ZNF143: variants seen among roughly 807,000 people sequenced by gnomAD.
ZNF143 encodes the protein SPH-binding factor.
Under a neutral mutation model 74.1 loss-of-function variants are expected in ZNF143, and 49 were observed. The observed-to-expected ratio is 0.66, with a 90% CI of 0.53 to 0.84. The LOEUF is 0.84. ZNF143 is among the 40% of genes least tolerant of loss of function. The pLI is 0.00. For missense variants in ZNF143, 637 were observed against 793.4 expected (o/e 0.80, Z 2.37); for synonymous variants, 304 against 282.8 (o/e 1.07, Z -0.75).
Position 9,525,348 on chromosome 11 carries a change from T to G in ZNF143, c.1795T>G (p.Leu599Val). The change falls in exon 15 of 16, where the codon TTA (leucine) becomes GTA (valine). Residue 599 changes from leucine (L) to valine (V), a missense_variant. This residue lies in a region of ZNF143 where 344 missense variants were observed against 485.6 expected (regional missense o/e 0.71). Coordinates refer to ENST00000396602, the MANE Select transcript of ZNF143 (RefSeq NM_003442.6). Reference sequence around the variant, plus strand: ...AACCACAGAAACCAGACCTCTGACCTTAGTAGCAACATCCAATGGCACCCA... The same window carrying G: ...AACCACAGAAACCAGACCTCTGACCGTAGTAGCAACATCCAATGGCACCCA... ...LVTTETRPLT[L>V]VATSNGTQIA... The G allele has an allele frequency of 1.2e-6, 2 of 1,614,164 alleles. No homozygotes were observed. Among genetic ancestry groups the G allele is most frequent in the South Asian group, 2.2e-5 (2 of 91,080 alleles).
chr11:9,479,322 A>G (rs1463206451), intron 6 of ZNF143, 150 bp from the exon 7 acceptor site: 5 of 494,604 alleles, frequency 1.0e-5, no homozygotes, highest in South Asian at 5.5e-5. Context: ...GAAATTTTCA[A>G]ATATACACAA....
At chr11:9,469,521 C>T (rs188855136) in intron 1 of ZNF143, among the ~76,000 whole-genome samples, 12 of 150,680 alleles carry the variant, frequency 8.0e-5, no homozygotes, top group East Asian at 7.9e-4. Flanking sequence ...CATGAGCCAC[C>T]GCGTGCAGCC....
intron 5 of ZNF143, among the ~76,000 whole-genome samples, chr11:9,477,038 CTT>C (rs1485099812): frequency 6.6e-6 from 1 of 151,368 alleles, no homozygotes; most frequent in African/African-American, 2.4e-5. Context: ...AGGGAGGAAT[CTT>C]TAAAAAATTT....
intron 3 of ZNF143, 91 bp downstream of exon 3, chr11:9,472,860 T>A: frequency 1.2e-6 from 1 of 820,024 alleles, no homozygotes; most frequent in Middle Eastern, 2.4e-4. Flanking sequence ...CTTTCCTATG[T>A]CTCCTAAAGA....
chr11:9,479,525 T>C lies in ZNF143; in HGVS notation c.624T>C (p.Asn208=). Residue 208 remains asparagine, a synonymous_variant, in exon 7 of 16, where the codon AAT becomes AAC. Coordinates refer to ENST00000396602, the MANE Select transcript of ZNF143 (RefSeq NM_003442.6). ...SVAGTGMIGE[N]EQEKKMQIVL... ...CAGGTACTGGAATGATTGGAGAAAA[T>C]GAGCAAGAGAAAAAAATGCAGGTAT... The C allele has an allele frequency of 6.2e-7, 1 of 1,613,074 alleles. No individual in the cohort carries two copies. The highest frequency in any genetic ancestry group is 8.5e-7 in the Non-Finnish European group (1 of 1,179,718).
chr11:9,506,477 G>C (rs754218499), intron 11 of ZNF143, among the ~76,000 whole-genome samples: 4 of 152,240 alleles, frequency 2.6e-5, no homozygotes, highest in Non-Finnish European at 5.9e-5. Flanking sequence ...CATTTAGGTA[G>C]AGCAGTGCTC....
chr11:9,474,402 T>A (rs1434402091), intron 4 of ZNF143, 148 bp from the exon 5 acceptor site: 1 of 760,750 alleles, frequency 1.3e-6, no homozygotes, highest in African/African-American at 1.8e-5. Context: ...GCAGGGAAGC[T>A]TTACTGAACT....
rs1459345861 is a variant in ZNF143, at chr11:9,511,006, C to G, written c.1376-1442C>G. Among the ~76,000 whole-genome samples, 3 of 151,626 alleles carry G rather than the reference C, an allele frequency of 2.0e-5. No homozygotes were observed. In the South Asian group the frequency reaches 6.2e-4, roughly 31 times the overall value. ...TGCAATCAATCAGTTGTGCTAAAGA[C>G]CAAGTTTAGTATCAGTGGGTGTGTT... On this transcript the variant is annotated intron_variant, in intron 12 of 15. Transcript: ENST00000396602.
At chr11:9,465,037 TAAA>T (rs964680107) in intron 1 of ZNF143, among the ~76,000 whole-genome samples, 5 of 152,150 alleles carry the variant, frequency 3.3e-5, no homozygotes, top group Admixed American at 1.3e-4. Flanking sequence ...TTTATAGGAA[TAAA>T]AAAAGCTGAA....
chr11:9,508,585 A>G (rs1168208866), intron 11 of ZNF143, 34 bp from the exon 12 acceptor site: 6 of 1,594,812 alleles, frequency 3.8e-6, no homozygotes, highest in Non-Finnish European at 4.3e-6. Context: ...CTACATATGT[A>G]AAAGTTGAAC....
chr11:9,464,803 A>T (rs965093887), intron 1 of ZNF143, among the ~76,000 whole-genome samples: 8 of 151,730 alleles, frequency 5.3e-5, no homozygotes, highest in Admixed American at 3.9e-4. Flanking sequence ...GGCACCTGTA[A>T]TCCCAGCTAC....
intron 12 of ZNF143, among the ~76,000 whole-genome samples, chr11:9,510,659 A>G (rs1244301711): frequency 1.3e-5 from 2 of 152,206 alleles, no homozygotes; most frequent in Non-Finnish European, 2.9e-5. Context: ...GACTGTAGCC[A>G]TATGAGTGCA....
At position 9,496,338 on chromosome 11, in the gene ZNF143, T is replaced by C. The variant is rs112603411; in HGVS notation, c.801T>C (p.Tyr267=). The C allele has an allele frequency of 2.5e-6, 4 of 1,614,142 alleles. No homozygotes were observed. The African/African-American group carries it at 5.3e-5, about 22-fold the overall frequency. Residue 267 remains tyrosine, a synonymous_variant, in exon 9 of 16, where the codon TAT becomes TAC. Transcript: ENST00000396602. The stretch of plus-strand genomic sequence containing the variant: ...GGTCACACACAGGAGATCGGCCTTA[T>C]CAGTGTGAGCATGCAGGCTGTGGGA... ...HERSHTGDRP[Y]QCEHAGCGKA... is the part of the protein sequence containing the mutation.
At chr11:9,513,927 G>T (rs149755476) in intron 13 of ZNF143, among the ~76,000 whole-genome samples, 13 of 152,308 alleles carry the variant, frequency 8.5e-5, no homozygotes, top group African/African-American at 2.9e-4. Context: ...GAGGCAATCT[G>T]TTCCATTGTT....
intron 14 of ZNF143, among the ~76,000 whole-genome samples, chr11:9,517,471 A>G (rs1848764403): frequency 6.6e-6 from 1 of 152,142 alleles, no homozygotes; most frequent in South Asian, 2.1e-4. Flanking sequence ...GCAAAGATAC[A>G]TGTATTCGTA....
intron 15 of ZNF143, 113 bp downstream of exon 15, chr11:9,525,499 T>G: frequency 7.3e-7 from 1 of 1,376,702 alleles, no homozygotes; most frequent in African/African-American, 1.4e-5. Context: ...TAGAATAATC[T>G]CTATCACCTA....
intron 15 of ZNF143, among the ~76,000 whole-genome samples, chr11:9,527,122 C>T (rs937290514): frequency 6.6e-5 from 10 of 152,068 alleles, no homozygotes; most frequent in East Asian, 3.9e-4. Flanking sequence ...CGTGAGCCAC[C>T]GCGCCCAGCC....
At position 9,484,390 on chromosome 11, in the gene ZNF143, A is replaced by T. The variant is rs537130067; in HGVS notation, c.645+4844A>T. Among the ~76,000 whole-genome samples, 48 of 150,886 alleles carry T rather than the reference A, an allele frequency of 3.2e-4. 3 individuals carry two copies. The highest frequency in any genetic ancestry group is 8.3e-4 in the South Asian group (4 of 4,798). On this transcript the variant is annotated intron_variant, in intron 7 of 15. Coordinates refer to ENST00000396602, the MANE Select transcript of ZNF143 (RefSeq NM_003442.6). ...TTATATTTTTGTTAAAGAAATATTT[A>T]AAAAAATGTTTTTTATATTTCACCT...
intron 8 of ZNF143, 116 bp from the exon 9 acceptor site, chr11:9,496,187 G>T: frequency 1.2e-6 from 1 of 843,980 alleles, no homozygotes; most frequent in Non-Finnish European, 1.9e-6. Flanking sequence ...TTTTTTATAA[G>T]AAAAAAGCAT....
Sources: gnomAD v4.1 joint callset for allele counts (sites outside exome capture counted in the v4.1 genomes callset) on GRCh38, gnomAD v4.1.1 for gene constraint, gnomAD v4.1.1 regional missense constraint, MANE v1.5 for transcripts, NCBI Gene and HGNC (gene_info 2026-07-23, HGNC 2026-07-21) for gene names.